Variants in SVOP observed in about 807,000 individuals in gnomAD.
SVOP encodes the protein SV2 related protein.
SVOP carries 17 observed loss-of-function variants against 69.1 expected under a neutral mutation model. The observed-to-expected ratio is 0.25, with a 90% CI of 0.17 to 0.37. The LOEUF is 0.37. SVOP is among the 10% of genes least tolerant of loss of function. The pLI is 1.00. For synonymous variants in SVOP, 238 were observed against 238.6 expected (o/e 1.00, Z 0.02); for missense variants, 435 against 597.5 (o/e 0.73, Z 2.84).
At chr12:108,976,173 C>T (rs981923054) in intron 4 of SVOP, among the ~76,000 whole-genome samples, 3 of 152,190 alleles carry the variant, frequency 2.0e-5, no homozygotes, top group African/African-American at 7.2e-5. Flanking sequence ...AAGTGCCTCA[C>T]TCAAGGTCAC....
At chr12:108,976,709 G>A (rs1028539748) in intron 4 of SVOP, among the ~76,000 whole-genome samples, 18 of 151,482 alleles carry the variant, frequency 1.2e-4, no homozygotes, top group African/African-American at 3.4e-4. Context: ...TCTGCCTCCC[G>A]GATTCAAGCA....
intron 15 of SVOP, among the ~76,000 whole-genome samples, chr12:108,915,383 T>G (rs754529870): frequency 6.6e-6 from 1 of 152,026 alleles, no homozygotes; most frequent in African/African-American, 2.4e-5. Context: ...TTACTCCTAT[T>G]TTTATGTCTA....
intron 12 of SVOP, among the ~76,000 whole-genome samples, chr12:108,920,555 T>C (rs2039742027): frequency 6.6e-6 from 1 of 151,244 alleles, no homozygotes; most frequent in African/African-American, 2.4e-5. Context: ...TGCTTATTAG[T>C]AATAATAATA....
rs1204709802 is a variant in SVOP at position 108,977,481 on chromosome 12, C to T, written c.298G>A (p.Glu100Lys). ...TGLAWMADAM[E>K]MMILSILAPQ... ...GCCAGGATGCTGAGGATCATCATCT[C>T]CATGGCATCAGCCATCTGCAGAGAG... Residue 100 changes from glutamate (E) to lysine (K), a missense_variant, in exon 4 of 16, where the codon GAG (glutamate) becomes AAG (lysine). Transcript: ENST00000610966. The T allele has an allele frequency of 2.0e-6, 3 of 1,532,872 alleles. No individual in the cohort carries two copies. The highest frequency in any genetic ancestry group is 2.6e-6 in the Non-Finnish European group (3 of 1,143,086). The allele number at this position is 1,532,872 out of a possible 1,614,324, so 95.0% of individuals were successfully genotyped here. A position where few individuals can be genotyped will look rare whatever the true frequency, so the allele number is the denominator to read the frequency against.
intron 11 of SVOP, among the ~76,000 whole-genome samples, chr12:108,928,875 G>A (rs919902233): frequency 6.6e-6 from 1 of 152,084 alleles, no homozygotes; most frequent in African/African-American, 2.4e-5. Flanking sequence ...GCCATTTTAT[G>A]ACTTTATTTT....
At chr12:108,955,263 C>T (rs890029787) in intron 6 of SVOP, among the ~76,000 whole-genome samples, 3 of 152,190 alleles carry the variant, frequency 2.0e-5, no homozygotes, top group African/African-American at 7.2e-5. Flanking sequence ...ATTTGCTCTT[C>T]TGTGAGTACA....
At chr12:108,989,433 T>TG (rs372148571) in intron 1 of SVOP, among the ~76,000 whole-genome samples, 134,943 of 151,830 alleles carry the variant, frequency 0.89, 61,096 homozygotes, top group Non-Finnish European at 0.99. Context: ...AGAAACCCAC[T>TG]GGAAAGCAGG....
At chr12:109,006,329 A>T (rs1415604362) in intron 1 of SVOP, among the ~76,000 whole-genome samples, 1 of 152,188 alleles carries the variant, frequency 6.6e-6, no homozygotes, top group East Asian at 1.9e-4. Flanking sequence ...CTGGGATTAC[A>T]GGGTGACCCA....
At chr12:108,989,330 C>T (rs1190583576) in intron 1 of SVOP, among the ~76,000 whole-genome samples, 1 of 152,210 alleles carries the variant, frequency 6.6e-6, no homozygotes, top group Non-Finnish European at 1.5e-5. Flanking sequence ...CCGCCTTGGC[C>T]TCCCGAAGTG....
At chr12:108,996,825 A>G (rs911495528) in intron 1 of SVOP, among the ~76,000 whole-genome samples, 1 of 151,956 alleles carries the variant, frequency 6.6e-6, no homozygotes, top group Non-Finnish European at 1.5e-5. Flanking sequence ...CCAGCTACTC[A>G]GGAGGCTAAA....
intron 9 of SVOP, among the ~76,000 whole-genome samples, chr12:108,937,987 G>T (rs78516943): frequency 0.021 from 3,263 of 152,182 alleles, 136 homozygotes; most frequent in African/African-American, 0.074. Flanking sequence ...CCATGGAAGG[G>T]ATCTCTCCCC....
intron 1 of SVOP, among the ~76,000 whole-genome samples, chr12:109,012,272 G>A (rs1430569014): frequency 6.6e-6 from 1 of 150,998 alleles, no homozygotes; most frequent in African/African-American, 2.4e-5. Context: ...AACAGAGCGA[G>A]ACTGTCTCAG....
chr12:108,939,003 A>C (rs1421832698), intron 8 of SVOP, 48 bp from the exon 9 acceptor site: 12 of 1,612,892 alleles, frequency 7.4e-6, no homozygotes, highest in Non-Finnish European at 1.0e-5. Flanking sequence ...TTAGGGTGGA[A>C]CAGAGCACTC....
chr12:108,926,745 G>A (rs2039783017), intron 11 of SVOP, among the ~76,000 whole-genome samples: 1 of 152,228 alleles, frequency 6.6e-6, no homozygotes, highest in African/African-American at 2.4e-5. Flanking sequence ...GCCTCTAATT[G>A]TAAATTCACT....
Position 109,003,888 on chromosome 12 carries a change from G to A in SVOP, c.35+16946C>T, listed in dbSNP as rs367739178. Among the ~76,000 whole-genome samples, 17 of 152,136 alleles carry A rather than the reference G, an allele frequency of 1.1e-4. No homozygotes were observed. In the East Asian group the frequency reaches 2.5e-3, roughly 22 times the overall value. ...CTCCTGAAGTGCTGGGATTACAGGC[G>A]TGAGCCACAGAGCCCAACCTCCCTG... is the stretch of plus-strand genomic sequence containing the variant. On this transcript the variant is annotated intron_variant, in intron 1 of 15. Transcript: ENST00000610966.
At chr12:108,927,229 C>G (rs1001631095) in intron 11 of SVOP, among the ~76,000 whole-genome samples, 1 of 152,184 alleles carries the variant, frequency 6.6e-6, no homozygotes, top group South Asian at 2.1e-4. Context: ...GGTCCTTTGT[C>G]TCTGACCCAG....
At chr12:108,995,015 C>T (rs745605403) in intron 1 of SVOP, among the ~76,000 whole-genome samples, 3 of 151,544 alleles carry the variant, frequency 2.0e-5, no homozygotes, top group African/African-American at 7.3e-5. Context: ...CATGGTGGTG[C>T]GTGTCTGTGG....
At chr12:108,919,328 C>T (rs574721595) in intron 13 of SVOP, among the ~76,000 whole-genome samples, 3 of 141,428 alleles carry the variant, frequency 2.1e-5, no homozygotes, top group Admixed American at 7.0e-5. Context: ...CCTGCACCCA[C>T]ACCTGGGCCT....
At chr12:108,995,548 G>T (rs1031918538) in intron 1 of SVOP, among the ~76,000 whole-genome samples, 11 of 152,112 alleles carry the variant, frequency 7.2e-5, no homozygotes, top group Admixed American at 6.6e-4. Flanking sequence ...TGGGGAGGAT[G>T]AAAAAATTCT....
Sources: allele counts gnomAD v4.1 joint callset (sites outside exome capture counted in the v4.1 genomes callset), GRCh38; gene constraint gnomAD v4.1.1; transcripts MANE v1.5; gene names NCBI Gene and HGNC (gene_info 2026-07-23, HGNC 2026-07-21).